Variants in CFAP47 observed in about 807,000 individuals in gnomAD.
CFAP47 encodes cilia- and flagella-associated protein 47.
Under a neutral mutation model 148.1 loss-of-function variants are expected in CFAP47, and 29 were observed. The observed-to-expected ratio is 0.20, with a 90% CI of 0.15 to 0.27. The LOEUF (loss-of-function observed/expected upper bound fraction) is 0.27, where lower values mean the gene tolerates loss of function less well. Among genes scored for constraint, CFAP47 ranks in the 10% least tolerant of loss-of-function variants. The pLI, the probability that CFAP47 is intolerant of heterozygous loss-of-function variation, is 1.00. For missense variants in CFAP47, 1,872 were observed against 1,697.5 expected (o/e 1.10, Z -1.81); for synonymous variants, 664 against 577.3 (o/e 1.15, Z -2.15).
chrX:36,140,650 A>G (rs1939122772), intron 35 of CFAP47, among the ~76,000 whole-genome samples: 1 of 111,817 alleles, frequency 8.9e-6, no homozygotes, highest in Admixed American at 9.5e-5. Flanking sequence ...GAACTTATAC[A>G]TAATGAATTA....
chrX:36,258,174 G>C (rs1220362813), intron 49 of CFAP47, among the ~76,000 whole-genome samples: 1 of 111,991 alleles, frequency 8.9e-6, no homozygotes, highest in South Asian at 3.6e-4. Flanking sequence ...TGCTACACTG[G>C]AATGGGATCT....
chrX:36,257,082 A>T (rs928279863), intron 49 of CFAP47, among the ~76,000 whole-genome samples: 5 of 112,451 alleles, frequency 4.4e-5, no homozygotes, highest in African/African-American at 1.6e-4. Flanking sequence ...CTTCATAATT[A>T]TCTCTTGTGA....
rs1213225998 is a variant in CFAP47, at chrX:35,930,838, T to G, written c.401+4670T>G. On this transcript the variant is annotated intron_variant, in intron 2 of 63. Transcript: ENST00000378653. ...TGAACATGTGTGTATTTTGTCCTTT[T>G]TAAAAGTATTGCTAGTGGTTTATCA... Among the ~76,000 whole-genome samples the G allele has an allele frequency of 2.7e-5, 3 of 111,910 alleles. No homozygotes were observed. In the Admixed American group the frequency reaches 2.9e-4, roughly 11 times the overall value.
At chrX:36,290,704 C>G (rs1941184573) in intron 51 of CFAP47, among the ~76,000 whole-genome samples, 1 of 112,352 alleles carries the variant, frequency 8.9e-6, no homozygotes, top group African/African-American at 3.2e-5. Flanking sequence ...TCAAGGGGCT[C>G]TCCCCATCAA....
intron 62 of CFAP47, among the ~76,000 whole-genome samples, chrX:36,371,518 T>TATGTGTGTATATATATGTGTATAC (rs1941933773): frequency 9.4e-6 from 1 of 106,235 alleles, no homozygotes; most frequent in Non-Finnish European, 1.9e-5. Context: ...TGTGTATATA[T>TATGTGTGTATATATATGTGTATAC]ATGTGTGTAT....
At position 36,005,334 on chromosome X, in the gene CFAP47, T is replaced by C. The variant is rs749533736; in HGVS notation, c.3417+3627T>C. Among the ~76,000 whole-genome samples the C allele has an allele frequency of 1.0e-3, 117 of 111,922 alleles. 1 individual carries two copies. Among genetic ancestry groups the C allele is most frequent in the African/African-American group, 3.6e-3 (112 of 30,918 alleles). On this transcript the variant is annotated intron_variant, in intron 21 of 63. Coordinates refer to ENST00000378653, the MANE Select transcript of CFAP47 (RefSeq NM_001304548.2). ...TAGGTTTTATGGCTACATACTTTCC[T>C]CTAAATACTGTTTTACATTTACCCC...
intron 48 of CFAP47, among the ~76,000 whole-genome samples, chrX:36,238,429 G>C (rs782381252): frequency 8.1e-5 from 9 of 111,700 alleles, no homozygotes; most frequent in Non-Finnish European, 1.7e-4. Flanking sequence ...TTTATCAGCA[G>C]CATGAAAATA....
intron 51 of CFAP47, among the ~76,000 whole-genome samples, chrX:36,297,251 A>C (rs1941251594): frequency 8.9e-6 from 1 of 111,947 alleles, no homozygotes; most frequent in Admixed American, 9.5e-5. Flanking sequence ...AGAGGTGATC[A>C]GGCAAATATT....
At chrX:36,015,375 C>T (rs954252887) in intron 22 of CFAP47, among the ~76,000 whole-genome samples, 1 of 110,922 alleles carries the variant, frequency 9.0e-6, no homozygotes, top group Admixed American at 9.6e-5. Flanking sequence ...TTTATCTACT[C>T]ATTTTCTTCA....
intron 60 of CFAP47, among the ~76,000 whole-genome samples, chrX:36,356,864 AAACT>A (rs1295650281): frequency 1.8e-5 from 2 of 111,979 alleles, no homozygotes; most frequent in Non-Finnish European, 3.8e-5. Flanking sequence ...TCTGAGTTTG[AAACT>A]AACTGAGAGG....
In CFAP47 at chrX:36,251,430, G is replaced by A. The variant is rs782430712; in HGVS notation, c.7430G>A (p.Arg2477His). The change falls in exon 49 of 64, where the codon CGT (arginine) becomes CAT (histidine). Residue 2477 changes from arginine to histidine, a missense_variant. Coordinates refer to ENST00000378653, the MANE Select transcript of CFAP47 (RefSeq NM_001304548.2). ...LYLIHVRPWK[R>H]GILKGTITFS... The stretch of plus-strand genomic sequence containing the variant: ...CTGATTCATGTGCGCCCTTGGAAAC[G>A]TGGTATATTGAAAGGTATAAAATCC... 31 of 499,735 alleles carry A rather than the reference G, an allele frequency of 6.2e-5. 1 individual carries two copies. Among genetic ancestry groups the A allele is most frequent in the Non-Finnish European group, 1.0e-4 (29 of 280,078 alleles). The allele number at this position is 499,735 out of a possible 1,213,427, so 41.2% of individuals were successfully genotyped here. A position where few individuals can be genotyped will look rare whatever the true frequency, so the allele number is the denominator to read the frequency against.
At position 36,047,073 on chromosome X, in the gene CFAP47, C is replaced by A. The variant is rs1036631937; in HGVS notation, c.4217+10C>A. The A allele has an allele frequency of 1.1e-5, 11 of 1,019,556 alleles. No homozygotes were observed. Among genetic ancestry groups the A allele is most frequent in the Non-Finnish European group, 1.5e-5 (11 of 742,510 alleles). The allele number at this position is 1,019,556 out of a possible 1,213,427, so 84.0% of individuals were successfully genotyped here. On this transcript the variant is annotated intron_variant, in intron 26 of 63. Transcript: ENST00000378653. ...ATGACAGAAAAAACTGGTAAGATAT[C>A]TAAATGTACATTATTTTGTATCTGA...
At chrX:36,134,520 A>AC (rs1939007733) in intron 33 of CFAP47, among the ~76,000 whole-genome samples, 3 of 111,293 alleles carry the variant, frequency 2.7e-5, no homozygotes, top group Non-Finnish European at 5.7e-5. Context: ...GTGCAAAAGC[A>AC]ATTAAATCAA....
intron 26 of CFAP47, among the ~76,000 whole-genome samples, chrX:36,058,534 C>G: frequency 9.0e-6 from 1 of 111,265 alleles, no homozygotes; most frequent in Non-Finnish European, 1.9e-5. Flanking sequence ...TTACTGACCT[C>G]TCATTTGAAA....
intron 3 of CFAP47, among the ~76,000 whole-genome samples, chrX:35,945,130 C>A (rs1284557650): frequency 9.0e-6 from 1 of 111,577 alleles, no homozygotes; most frequent in Admixed American, 9.6e-5. Flanking sequence ...ATTTGCACTT[C>A]CAAAACATCC....
intron 26 of CFAP47, among the ~76,000 whole-genome samples, chrX:36,052,117 A>C (rs995667616): frequency 4.5e-5 from 5 of 111,854 alleles, no homozygotes; most frequent in Non-Finnish European, 9.4e-5. Flanking sequence ...TTCTTCATAC[A>C]GTATGAAAAT....
chrX:36,301,567 G>C (rs1209877062), intron 53 of CFAP47, among the ~76,000 whole-genome samples: 5 of 110,470 alleles, frequency 4.5e-5, no homozygotes, highest in Non-Finnish European at 9.4e-5. Context: ...GGACAAGCAA[G>C]GGAAAATGGC....
intron 27 of CFAP47, among the ~76,000 whole-genome samples, chrX:36,070,907 C>A (rs1937738671): frequency 8.9e-6 from 1 of 112,105 alleles, no homozygotes; most frequent in Non-Finnish European, 1.9e-5. Flanking sequence ...AGGATTACTA[C>A]CCTTTCCCTA....
chrX:36,182,922 C>T (rs1183485564), intron 40 of CFAP47, among the ~76,000 whole-genome samples: 1 of 112,344 alleles, frequency 8.9e-6, no homozygotes, highest in Non-Finnish European at 1.9e-5. Flanking sequence ...AGGAGAAGTG[C>T]TGTATGTTAT....
Sources: allele counts gnomAD v4.1 joint callset (sites outside exome capture counted in the v4.1 genomes callset), GRCh38; gene constraint gnomAD v4.1.1; transcripts MANE v1.5; gene names NCBI Gene and HGNC (gene_info 2026-07-23, HGNC 2026-07-21).